RANBP2: variants seen among roughly 807,000 people sequenced by gnomAD.
RANBP2 encodes the protein RAN binding protein 2.
In RANBP2, 57 loss-of-function variants were observed where a neutral mutation model predicts 303.6. The observed-to-expected ratio is 0.19, with a 90% CI of 0.15 to 0.23. The LOEUF (loss-of-function observed/expected upper bound fraction) is 0.23, where lower values mean the gene tolerates loss of function less well. RANBP2 is among the 10% of genes least tolerant of loss of function. RANBP2 has a pLI of 1.00. For synonymous variants in RANBP2, 1,167 were observed against 1,301.5 expected, an observed-to-expected ratio of 0.90 and a Z score of 2.23; for missense variants, 3,138 against 3,780.8, an observed-to-expected ratio of 0.83 and a Z score of 4.46.
chr2:108,860,765 A>G, the RANBP2 span, among the ~76,000 whole-genome samples: 2 of 151,404 alleles, frequency 1.3e-5, no homozygotes, highest in Non-Finnish European at 2.9e-5. Context: ...ATAGTTTTCT[A>G]CTTTTGTTGT....
chr2:108,940,545 C>T, the RANBP2 span, among the ~76,000 whole-genome samples: 1 of 152,238 alleles, frequency 6.6e-6, no homozygotes, highest in Non-Finnish European at 1.5e-5. Flanking sequence ...TGCCTGAGCC[C>T]CAGATCGGGC....
the RANBP2 span, among the ~76,000 whole-genome samples, chr2:108,989,672 C>A: frequency 9.9e-5 from 15 of 152,140 alleles, no homozygotes; most frequent in Non-Finnish European, 2.2e-4. Context: ...ACACCTCACA[C>A]CACCAGTGTA....
At chr2:109,052,619 C>T in the RANBP2 span, among the ~76,000 whole-genome samples, 1 of 152,144 alleles carries the variant, frequency 6.6e-6, no homozygotes, top group South Asian at 2.1e-4. Flanking sequence ...CTAGTGTCCT[C>T]GTAGTTTCTG....
At chr2:109,656,611 A>C in the RANBP2 span, among the ~76,000 whole-genome samples, 1 of 152,190 alleles carries the variant, frequency 6.6e-6, no homozygotes, top group Non-Finnish European at 1.5e-5. Flanking sequence ...AAGTGCTGGG[A>C]TTATAGGCAT....
the RANBP2 span, among the ~76,000 whole-genome samples, chr2:108,901,633 A>G: frequency 1.3e-5 from 2 of 152,360 alleles, no homozygotes; most frequent in African/African-American, 4.8e-5. Context: ...TATACACACC[A>G]TAGATATCAA....
the RANBP2 span, among the ~76,000 whole-genome samples, chr2:109,217,997 G>A: frequency 1.3e-5 from 2 of 152,164 alleles, no homozygotes; most frequent in African/African-American, 4.8e-5. Flanking sequence ...ACAGGTGTGC[G>A]GACTCGAGTT....
At chr2:108,870,130 A>G in the RANBP2 span, among the ~76,000 whole-genome samples, 7 of 152,194 alleles carry the variant, frequency 4.6e-5, no homozygotes, top group Non-Finnish European at 1.0e-4. Flanking sequence ...AATCAGGGAA[A>G]TGATACATGA....
At chr2:108,953,554 CCT>C in the RANBP2 span, among the ~76,000 whole-genome samples, 2 of 152,062 alleles carry the variant, frequency 1.3e-5, no homozygotes, top group Non-Finnish European at 2.9e-5. Context: ...TTGTCCAATA[CCT>C]GATGACAGTT....
the RANBP2 span, among the ~76,000 whole-genome samples, chr2:109,683,642 C>T: frequency 2.0e-5 from 3 of 152,156 alleles, no homozygotes; most frequent in East Asian, 3.9e-4. Context: ...CTCCACCGAG[C>T]GCTGGACTCA....
the RANBP2 span, among the ~76,000 whole-genome samples, chr2:109,499,464 C>CT: frequency 6.6e-6 from 1 of 152,198 alleles, no homozygotes; most frequent in Non-Finnish European, 1.5e-5. Context: ...TCTCTCAGCC[C>CT]TTACTGCACA....
At chr2:109,062,515 C>T in the RANBP2 span, among the ~76,000 whole-genome samples, 4 of 152,216 alleles carry the variant, frequency 2.6e-5, no homozygotes, top group African/African-American at 9.6e-5. Context: ...GTGCATGCAC[C>T]TGAGTCATCA....
the RANBP2 span, among the ~76,000 whole-genome samples, chr2:108,847,307 CT>C: frequency 1.3e-5 from 2 of 152,180 alleles, no homozygotes; most frequent in Non-Finnish European, 1.5e-5. Context: ...ATGAAGTTTT[CT>C]CCCACAACCA....
the RANBP2 span, among the ~76,000 whole-genome samples, chr2:108,807,159 C>G: frequency 6.6e-6 from 1 of 151,982 alleles, no homozygotes; most frequent in African/African-American, 2.4e-5. Flanking sequence ...AGCATACTTG[C>G]GAGTGATCCA....
At chr2:109,610,024 A>ATATG in the RANBP2 span, among the ~76,000 whole-genome samples, 13 of 152,108 alleles carry the variant, frequency 8.5e-5, no homozygotes, top group South Asian at 2.1e-4. Context: ...GGCAGGGACA[A>ATATG]TATGACACAG....
At chr2:109,453,294 C>A in the RANBP2 span, among the ~76,000 whole-genome samples, 1 of 152,182 alleles carries the variant, frequency 6.6e-6, no homozygotes, top group African/African-American at 2.4e-5. Flanking sequence ...GTGGCCAGGC[C>A]CCCAACACCC....
the RANBP2 span, among the ~76,000 whole-genome samples, chr2:109,433,324 AT>A: frequency 6.6e-6 from 1 of 152,132 alleles, no homozygotes; most frequent in African/African-American, 2.4e-5. Context: ...GTGGTAATAT[AT>A]TTTTTTCTTT....
chr2:109,652,034 C>G, the RANBP2 span, among the ~76,000 whole-genome samples: 1 of 152,188 alleles, frequency 6.6e-6, no homozygotes, highest in African/African-American at 2.4e-5. Flanking sequence ...TCCTCCCCAG[C>G]ACAGTACCAT....
At chr2:109,650,093 A>AG in the RANBP2 span, among the ~76,000 whole-genome samples, 1 of 152,212 alleles carries the variant, frequency 6.6e-6, no homozygotes, top group Non-Finnish European at 1.5e-5. Flanking sequence ...ATTGACTCAC[A>AG]GATATTTGTG....
chr2:109,085,774 TA>T, the RANBP2 span, among the ~76,000 whole-genome samples: 1 of 151,986 alleles, frequency 6.6e-6, no homozygotes, highest in African/African-American at 2.4e-5. Context: ...CTAATTTTTT[TA>T]TTTTTTTTTA....
Sources: allele counts gnomAD v4.1 joint callset (sites outside exome capture counted in the v4.1 genomes callset), GRCh38; gene constraint gnomAD v4.1.1; transcripts MANE v1.5; gene names NCBI Gene and HGNC (gene_info 2026-07-23, HGNC 2026-07-21).